The following NEMP2 variants were observed in gnomAD, a reference collection of about 807,000 sequenced individuals.
NEMP2 encodes nuclear envelope integral membrane protein 2.
Under a neutral mutation model 54.2 loss-of-function variants are expected in NEMP2, and 53 were observed. The ratio of observed to expected loss-of-function variants is 0.98; its 90% confidence interval spans 0.78 to 1.23. NEMP2 has a LOEUF of 1.23. Ranked by LOEUF, NEMP2 falls within the 50% of genes most tolerant of loss-of-function variation. The probability of loss-of-function intolerance (pLI) is 0.00; values close to 1 mark genes in which losing one functional copy is unlikely to be tolerated. For missense variants in NEMP2, 455 were observed against 511.3 expected (o/e 0.89, Z 1.06); for synonymous variants, 197 against 190.3 (o/e 1.04, Z -0.29).
the NEMP2 span, among the ~76,000 whole-genome samples, chr2:190,647,484 G>T: frequency 6.6e-6 from 1 of 152,144 alleles, no homozygotes; most frequent in South Asian, 2.1e-4. Flanking sequence ...GCCAGCCAGG[G>T]TGTGGGAATG....
the NEMP2 span, chr2:190,629,957 C>T: frequency 2.0e-5 from 3 of 152,178 alleles, no homozygotes; most frequent in African/African-American, 7.2e-5. Context: ...AGACAAAACA[C>T]AATCACAGCA....
downstream of NEMP2, chr2:190,499,744 G>A (rs1261891998): frequency 3.0e-6 from 4 of 1,321,846 alleles, no homozygotes; most frequent in Admixed American, 6.6e-5. The surrounding 1 kb of genome is among the most constrained non-coding windows in gnomAD (Gnocchi z 6.0). Context: ...TGTTTACCAA[G>A]TACTAACAGA....
chr2:190,628,302 A>G, the NEMP2 span: 1 of 152,200 alleles, frequency 6.6e-6, no homozygotes, highest in Non-Finnish European at 1.5e-5. This position sits in a 1 kb window ranked among gnomAD's most constrained non-coding sequence, Gnocchi z 4.1. Context: ...CCTCCCCTTG[A>G]AGCAGACGTC....
At chr2:190,499,164 TAATA>T in the NEMP2 span, among the ~76,000 whole-genome samples, 1,241 of 152,100 alleles carry the variant, frequency 8.2e-3, 23 homozygotes, top group African/African-American at 0.027. The surrounding 1 kb of genome is among the most constrained non-coding windows in gnomAD (Gnocchi z 6.0). Flanking sequence ...ATAATAACAA[TAATA>T]AATAAATAAA....
the NEMP2 span, among the ~76,000 whole-genome samples, chr2:190,480,650 A>G: frequency 6.6e-6 from 1 of 152,222 alleles, no homozygotes; most frequent in African/African-American, 2.4e-5. Flanking sequence ...ATAAAGTGCT[A>G]AGGCTTGAAT....
At position 190,510,969 on chromosome 2, in the gene NEMP2, C is replaced by G. The variant is rs1690343924; in HGVS notation, c.954-432G>C. 6.6e-6 allele frequency among the ~76,000 whole-genome samples: 1 copy of G among 151,514 alleles called. No individual in the cohort carries two copies. On this transcript the variant is annotated intron_variant, in intron 7 of 8. Coordinates refer to ENST00000409150, the MANE Select transcript of NEMP2 (RefSeq NM_001142645.2). The surrounding 1 kb of genome is among the most constrained non-coding windows in gnomAD (Gnocchi z 5.7). ...TAACTTCCTCTATATCATATCTATA[C>G]TTTTTTATTGCTGTTATCATGACTG...
the NEMP2 span, among the ~76,000 whole-genome samples, chr2:190,554,260 GT>G: frequency 1.1e-4 from 16 of 151,692 alleles, no homozygotes; most frequent in East Asian, 1.9e-3. This position sits in a 1 kb window ranked among gnomAD's most constrained non-coding sequence, Gnocchi z 5.7. Flanking sequence ...AGCCGCAGGA[GT>G]TTTTTTTTCA....
chr2:190,487,673 G>A, the NEMP2 span, among the ~76,000 whole-genome samples: 1 of 152,038 alleles, frequency 6.6e-6, no homozygotes, highest in Non-Finnish European at 1.5e-5. This position sits in a 1 kb window ranked among gnomAD's most constrained non-coding sequence, Gnocchi z 5.5. Flanking sequence ...AGCTATTAGG[G>A]GAAAGCAAAT....
At chr2:190,606,546 T>C in the NEMP2 span, among the ~76,000 whole-genome samples, 1 of 152,134 alleles carries the variant, frequency 6.6e-6, no homozygotes, top group Non-Finnish European at 1.5e-5. Flanking sequence ...ACCCCGTCTC[T>C]ACTAAAAATA....
At position 190,521,989 on chromosome 2, in the gene NEMP2, T is replaced by C. The variant is rs1690765905; in HGVS notation, c.214-2806A>G. 6.6e-6 allele frequency among the ~76,000 whole-genome samples: 1 copy of C among 152,180 alleles called. No homozygotes were observed. Among genetic ancestry groups the C allele is most frequent in the African/African-American group, 2.4e-5 (1 of 41,520 alleles). ...TAGGCACCATCTATATAAATATGCA[T>C]CGCTAATTACTTTGCAAAAAAAGAC... On this transcript the variant is annotated intron_variant, in intron 2 of 8. Coordinates refer to ENST00000409150, the MANE Select transcript of NEMP2 (RefSeq NM_001142645.2). This position sits in a 1 kb window ranked among gnomAD's most constrained non-coding sequence, Gnocchi z 6.2.
chr2:190,500,214 ACT>A, downstream of NEMP2: 1 of 1,614,098 alleles, frequency 6.2e-7, no homozygotes, highest in Non-Finnish European at 8.5e-7. The surrounding 1 kb of genome is among the most constrained non-coding windows in gnomAD (Gnocchi z 5.3). Context: ...GCGGGAGGAC[ACT>A]GAGGGCATCC....
chr2:190,476,351 A>T, the NEMP2 span, among the ~76,000 whole-genome samples: 2 of 152,220 alleles, frequency 1.3e-5, no homozygotes, highest in African/African-American at 4.8e-5. Context: ...GAACTCAAAC[A>T]AATTTATAAG....
the NEMP2 span, among the ~76,000 whole-genome samples, chr2:190,439,593 G>T: frequency 3.5e-3 from 537 of 152,272 alleles, no homozygotes; most frequent in Middle Eastern, 6.8e-3. This position sits in a 1 kb window ranked among gnomAD's most constrained non-coding sequence, Gnocchi z 5.8. Flanking sequence ...GCTTAGACTT[G>T]TGTGTTTCTT....
chr2:190,545,357 CT>C, the NEMP2 span, among the ~76,000 whole-genome samples: 24 of 152,262 alleles, frequency 1.6e-4, no homozygotes, highest in East Asian at 4.6e-3. Flanking sequence ...CTAGCGTTCT[CT>C]TTTTTCCCCC....
At chr2:190,612,945 AAT>A in the NEMP2 span, among the ~76,000 whole-genome samples, 33,538 of 152,108 alleles carry the variant, frequency 0.22, 4,711 homozygotes, top group South Asian at 0.35. Flanking sequence ...TAAATAATGA[AAT>A]ATCTGTTGTT....
At chr2:190,550,973 T>A in the NEMP2 span, among the ~76,000 whole-genome samples, 1 of 152,194 alleles carries the variant, frequency 6.6e-6, no homozygotes, top group African/African-American at 2.4e-5. The surrounding 1 kb of genome is among the most constrained non-coding windows in gnomAD (Gnocchi z 4.7). Context: ...CTCTTTAGTA[T>A]GTTATTCTGT....
At chr2:190,597,909 G>A in the NEMP2 span, among the ~76,000 whole-genome samples, 1 of 152,198 alleles carries the variant, frequency 6.6e-6, no homozygotes, top group African/African-American at 2.4e-5. This position sits in a 1 kb window ranked among gnomAD's most constrained non-coding sequence, Gnocchi z 4.7. Context: ...TAAGAGTTCA[G>A]TTATGAAAAT....
At chr2:190,574,598 A>G in the NEMP2 span, among the ~76,000 whole-genome samples, 2 of 152,244 alleles carry the variant, frequency 1.3e-5, no homozygotes, top group South Asian at 2.1e-4. Flanking sequence ...AAAAAAGCCT[A>G]TATCCCTCAA....
the NEMP2 span, among the ~76,000 whole-genome samples, chr2:190,597,150 G>C: frequency 6.6e-6 from 1 of 151,682 alleles, no homozygotes; most frequent in African/African-American, 2.4e-5. This position sits in a 1 kb window ranked among gnomAD's most constrained non-coding sequence, Gnocchi z 4.7. Flanking sequence ...TGTGGTCCTA[G>C]CTACTGAGCA....
Sources: allele counts gnomAD v4.1 joint callset (sites outside exome capture counted in the v4.1 genomes callset), GRCh38; gene constraint gnomAD v4.1.1; non-coding constraint Gnocchi (gnomAD v3.1); transcripts MANE v1.5; gene names NCBI Gene and HGNC (gene_info 2026-07-23, HGNC 2026-07-21).